Variants in DDX60 observed in about 807,000 individuals in gnomAD.
DDX60 encodes probable ATP-dependent RNA helicase DDX60.
Under a neutral mutation model 212.8 loss-of-function variants are expected in DDX60, and 165 were observed. That is an observed-to-expected ratio of 0.78 (90% CI 0.68 to 0.88). The LOEUF is 0.88. Among genes scored for constraint, DDX60 ranks in the 40% least tolerant of loss-of-function variants. DDX60 has a pLI of 0.00. For missense variants in DDX60, 1,905 were observed against 2,003.9 expected (o/e 0.95, Z 0.94); for synonymous variants, 703 against 685.3 (o/e 1.03, Z -0.40).
rs1401406594 is a variant in DDX60 at position 168,267,870 on chromosome 4, T to C, written c.2900A>G (p.Gln967Arg). 9.9e-6 allele frequency: 16 copies of C among 1,613,068 alleles called. No homozygotes were observed. Among genetic ancestry groups the C allele is most frequent in the Non-Finnish European group, 1.4e-5 (16 of 1,179,432 alleles). Residue 967 changes from glutamine to arginine, a missense_variant, in exon 21 of 38, where the codon CAA becomes CGA. Physicochemically the swap from Gln to Arg is conservative, Grantham distance 43 (BLOSUM62 1). Transcript: ENST00000393743. ...TCTAACTTTATACGATTGTTTTACT[T>C]GCAAGTAGTCTTTGGGAAAGCCGGC... ...RQAGFPKDYL[Q>R]VKQSYKVRLV...
intron 8 of DDX60, among the ~76,000 whole-genome samples, chr4:168,290,545 T>C (rs1478990910): frequency 3.9e-5 from 6 of 151,980 alleles, no homozygotes; most frequent in Non-Finnish European, 8.8e-5. Flanking sequence ...TTCACCATGT[T>C]AGCCAGGATG....
At position 168,248,194 on chromosome 4, in the gene DDX60, A is replaced by G. The variant is rs984811346; in HGVS notation, c.3957T>C (p.Tyr1319=). The change falls in exon 29 of 38, where the codon TAT becomes TAC. Residue 1319 remains tyrosine, a synonymous_variant. Coordinates refer to ENST00000393743, the MANE Select transcript of DDX60 (RefSeq NM_017631.6). ...QNSVYLDALN[Y]RQMSGRAGRR... ...TTTATGCATTTTGCAATACCTGTCTATAATTCAACGCATCCAGATAGACTG... is the reference window on the plus strand; with the variant it reads ...TTTATGCATTTTGCAATACCTGTCTGTAATTCAACGCATCCAGATAGACTG... 1.5e-5 allele frequency: 24 copies of G among 1,603,322 alleles called. No individual in the cohort carries two copies. Among genetic ancestry groups the G allele is most frequent in the South Asian group, 2.3e-5 (2 of 88,396 alleles).
In DDX60 at chr4:168,219,369, A is replaced by G. The variant is rs143335500; in HGVS notation, c.5039+1286T>C. Among the ~76,000 whole-genome samples, 948 of 152,148 alleles carry G rather than the reference A, an allele frequency of 6.2e-3. 11 individuals are homozygous for G. The highest frequency in any genetic ancestry group is 7.0e-3 in the Non-Finnish European group (479 of 67,988). Reference sequence around the variant, plus strand: ...TGTCTCATACCAACAATGCTTCAATACTTCTTGGATGAATGTGTGAATGAT... The same window carrying G: ...TGTCTCATACCAACAATGCTTCAATGCTTCTTGGATGAATGTGTGAATGAT... On this transcript the variant is annotated intron_variant, in intron 37 of 37. Transcript: ENST00000393743.
rs764619164 is a variant in DDX60, at chr4:168,250,987, T to G, written c.3825A>C (p.Leu1275Phe). 1 of 1,605,662 alleles carries G rather than the reference T, an allele frequency of 6.2e-7. No homozygotes were observed. Among genetic ancestry groups the G allele is most frequent in the Admixed American group, 1.7e-5 (1 of 58,616 alleles). The part of the protein sequence containing the change: ...HSAMSFKEKQ[L>F]VEILFRKGYL... ...ATCCTTTTCTAAAGAGGATTTCAAC[T>G]AATTGTTTTTCTTTGAAACTCATAG... The change falls in exon 28 of 38, where the codon TTA becomes TTC. Residue 1275 changes from leucine (L) to phenylalanine (F), a missense_variant. Leu to Phe is a conservative substitution (Grantham distance 22). Transcript: ENST00000393743.
chr4:168,244,974 A>C (rs186847607), intron 30 of DDX60, among the ~76,000 whole-genome samples: 2 of 152,318 alleles, frequency 1.3e-5, no homozygotes, highest in East Asian at 3.9e-4. Flanking sequence ...AGAAGCAAAT[A>C]ACAAAGATAC....
Position 168,275,410 on chromosome 4 carries a change from A to T in DDX60, c.2239T>A (p.Leu747Met). ...GGGTCTTTTCTCTCATCTCGTATCA[A>T]ATAATGGCCCATGTATTGCAGTTGG... ...RFQLQYMGHY[L>M]IRDERKDPDP... The change falls in exon 16 of 38, where the codon TTG (leucine) becomes ATG (methionine). Residue 747 changes from leucine (L) to methionine (M), a missense_variant. Leu to Met is a conservative substitution (Grantham distance 15, BLOSUM62 2). Coordinates refer to ENST00000393743, the MANE Select transcript of DDX60 (RefSeq NM_017631.6). 1 of 1,613,190 alleles carries T rather than the reference A, an allele frequency of 6.2e-7. No homozygotes were observed. Among genetic ancestry groups the T allele is most frequent in the East Asian group, 2.2e-5 (1 of 44,854 alleles).
At chr4:168,253,831 C>T (rs888801140) in intron 26 of DDX60, among the ~76,000 whole-genome samples, 4 of 152,228 alleles carry the variant, frequency 2.6e-5, no homozygotes, top group African/African-American at 9.6e-5. Context: ...ATTGTATCAT[C>T]ATACTGTGTT....
At chr4:168,300,365 C>A (rs1486891414) in intron 6 of DDX60, among the ~76,000 whole-genome samples, 2 of 151,998 alleles carry the variant, frequency 1.3e-5, no homozygotes, top group African/African-American at 4.8e-5. Context: ...CATGGTGAAA[C>A]CCTGTCTCTA....
rs554096790 is a variant in DDX60, at chr4:168,300,437, G to C, written c.723+1863C>G. On this transcript the variant is annotated intron_variant, in intron 6 of 37. Coordinates refer to ENST00000393743, the MANE Select transcript of DDX60 (RefSeq NM_017631.6). ...CACCTGTAGTTCCAGTTACTTGGGA[G>C]GCTGAGGCAGAAGAAGTGCTTGAAC... Among the ~76,000 whole-genome samples, 7 of 152,150 alleles carry C rather than the reference G, an allele frequency of 4.6e-5. No homozygotes were observed. In the South Asian group the frequency reaches 1.5e-3, roughly 32 times the overall value.
intron 26 of DDX60, among the ~76,000 whole-genome samples, chr4:168,254,225 T>C (rs1370782289): frequency 6.6e-6 from 1 of 152,218 alleles, no homozygotes; most frequent in Non-Finnish European, 1.5e-5. Context: ...TTAGCTCCAC[T>C]GGCCCCTTGC....
intron 24 of DDX60, 143 bp from the exon 25 acceptor site, chr4:168,261,132 G>A (rs927759363): frequency 1.6e-5 from 15 of 915,370 alleles, no homozygotes; most frequent in South Asian, 5.3e-5. Context: ...ATTATAAAAC[G>A]AGGCAAAGAA....
At chr4:168,234,581 T>C (rs910557747) in intron 33 of DDX60, among the ~76,000 whole-genome samples, 1 of 152,098 alleles carries the variant, frequency 6.6e-6, no homozygotes, top group African/African-American at 2.4e-5. Context: ...TTTGTCTCTC[T>C]TCCTATTTTC....
intron 10 of DDX60, among the ~76,000 whole-genome samples, chr4:168,285,965 AGAAT>A (rs1334638462): frequency 1.2e-5 from 1 of 82,028 alleles, no homozygotes; most frequent in Non-Finnish European, 2.2e-5. Context: ...GGGAAAGGAA[AGAAT>A]GAAAGAAAGA....
At chr4:168,246,763 C>A in intron 29 of DDX60, 145 bp from the exon 30 acceptor site, 1 of 808,194 alleles carries the variant, frequency 1.2e-6, no homozygotes, top group Non-Finnish European at 1.9e-6. Context: ...CATGCAACTA[C>A]ATAGTGCTTA....
chr4:168,306,334 A>G, intron 5 of DDX60, 45 bp downstream of exon 5: 1 of 1,479,490 alleles, frequency 6.8e-7, no homozygotes, highest in African/African-American at 1.4e-5. Flanking sequence ...AACTTAGAAC[A>G]TTTTGAAAAT....
At chr4:168,294,124 A>C (rs1560867160) in intron 6 of DDX60, among the ~76,000 whole-genome samples, 179 bp from the exon 7 acceptor site, 1 of 152,206 alleles carries the variant, frequency 6.6e-6, no homozygotes. Context: ...CCCTGAACTT[A>C]AAGTTAAAAA....
At chr4:168,261,643 A>G (rs1158713286) in intron 24 of DDX60, among the ~76,000 whole-genome samples, 1 of 152,220 alleles carries the variant, frequency 6.6e-6, no homozygotes, top group Non-Finnish European at 1.5e-5. Context: ...CAAGTCAAAA[A>G]AGACAGAGGA....
rs750774892 is a variant in DDX60 at position 168,260,881 on chromosome 4, G to C, written c.3382C>G (p.Pro1128Ala). The C allele has an allele frequency of 6.2e-7, 1 of 1,604,496 alleles. No individual in the cohort carries two copies. The highest frequency in any genetic ancestry group is 8.5e-7 in the Non-Finnish European group (1 of 1,173,542). The change falls in exon 25 of 38, where the codon CCT becomes GCT. Residue 1128 changes from proline (P) to alanine (A), a missense_variant. Pro to Ala is a conservative substitution (Grantham distance 27, BLOSUM62 -1). Coordinates refer to ENST00000393743, the MANE Select transcript of DDX60 (RefSeq NM_017631.6). ...ATAACTTACAAAAAAAATAGTGCAGGTAACTTCTCCATTTTCCTTAGTTTT... is the reference window on the plus strand; with the variant it reads ...ATAACTTACAAAAAAAATAGTGCAGCTAACTTCTCCATTTTCCTTAGTTTT... ...VEKLRKMEKL[P>A]ALFFLFKLGA...
intron 10 of DDX60, 23 bp downstream of exon 10, chr4:168,287,025 A>C: frequency 6.4e-7 from 1 of 1,566,626 alleles, no homozygotes; most frequent in Non-Finnish European, 8.7e-7. Context: ...CTTTCATTTC[A>C]GATTAATTTA....
Sources: gnomAD v4.1 joint callset for allele counts (sites outside exome capture counted in the v4.1 genomes callset) on GRCh38, gnomAD v4.1.1 for gene constraint, MANE v1.5 for transcripts, NCBI Gene and HGNC (gene_info 2026-07-23, HGNC 2026-07-21) for gene names.